FARP1: variants seen among roughly 807,000 people sequenced by gnomAD.
FARP1 encodes FERM, ARH/RhoGEF and pleckstrin domain protein 1, also known as FERM, ARHGEF and pleckstrin domain-containing protein 1.
Under a neutral mutation model 128.8 loss-of-function variants are expected in FARP1, and 52 were observed. The observed-to-expected ratio is 0.40, with a 90% confidence interval of 0.32 to 0.51. The LOEUF is 0.51. Ranked by LOEUF, FARP1 falls within the 20% of genes least tolerant of loss-of-function variation. The pLI is 0.45. For missense variants in FARP1, 1,333 were observed against 1,367.9 expected, an observed-to-expected ratio of 0.97 and a Z score of 0.40; for synonymous variants, 580 against 551.8, an observed-to-expected ratio of 1.05 and a Z score of -0.72.
intron 2 of FARP1, among the ~76,000 whole-genome samples, chr13:98,216,236 G>T (rs1881055523): frequency 6.6e-6 from 1 of 152,200 alleles, no homozygotes; most frequent in Non-Finnish European, 1.5e-5. Context: ...TTTAAGAGCA[G>T]CCACGGCCAG....
intron 2 of FARP1, among the ~76,000 whole-genome samples, chr13:98,278,211 TTGTG>T (rs1490856083): frequency 6.7e-6 from 1 of 148,472 alleles, no homozygotes; most frequent in African/African-American, 2.6e-5. Flanking sequence ...TGTCTTTGTG[TTGTG>T]TGTGAGTGTA....
intron 2 of FARP1, among the ~76,000 whole-genome samples, chr13:98,266,196 G>A (rs1473771093): frequency 6.6e-6 from 1 of 152,144 alleles, no homozygotes; most frequent in African/African-American, 2.4e-5. Flanking sequence ...TGAGCATTCT[G>A]TGTCAATGGA....
rs1566700327 is a variant in FARP1 at position 98,176,165 on chromosome 13, ATC to A, written c.-24+32677_-24+32678del. On this transcript the variant is annotated intron_variant, in intron 1 of 26. Coordinates refer to ENST00000319562, the MANE Select transcript of FARP1 (RefSeq NM_005766.4). The surrounding 1 kb of genome is among the most constrained non-coding windows in gnomAD (Gnocchi z 6.2). ...GTACATACAGACTTGAGTCTTTCTT[ATC>A]TCTTTTTTCCTAAAAGAACAAAAAA... 2.5e-6 allele frequency: 4 copies of A among 1,609,092 alleles called. No individual in the cohort carries two copies. The highest frequency in any genetic ancestry group is 3.4e-6 in the Non-Finnish European group (4 of 1,175,850).
At chr13:98,352,882 T>G (rs558319701) in intron 3 of FARP1, among the ~76,000 whole-genome samples, 18 of 152,260 alleles carry the variant, frequency 1.2e-4, no homozygotes, top group Admixed American at 9.1e-4. Flanking sequence ...GAGGAAGCTA[T>G]AGATTAAACA....
intron 2 of FARP1, among the ~76,000 whole-genome samples, chr13:98,326,255 T>C (rs1887228861): frequency 1.3e-5 from 2 of 152,220 alleles, no homozygotes; most frequent in Non-Finnish European, 2.9e-5. Flanking sequence ...AAACATTCTT[T>C]TTCACAGGCT....
At chr13:98,147,418 T>C (rs1875652023) in intron 1 of FARP1, among the ~76,000 whole-genome samples, 1 of 152,158 alleles carries the variant, frequency 6.6e-6, no homozygotes, top group South Asian at 2.1e-4. Flanking sequence ...AAAACTGTCA[T>C]ATTTGTTCAC....
intron 1 of FARP1, among the ~76,000 whole-genome samples, chr13:98,149,362 T>G (rs1377149414): frequency 6.6e-6 from 1 of 151,988 alleles, no homozygotes; most frequent in Non-Finnish European, 1.5e-5. Context: ...CACTCCCCTT[T>G]GGCCATTCAA....
chr13:98,194,207 C>T (rs1879424335), intron 1 of FARP1, among the ~76,000 whole-genome samples: 1 of 152,160 alleles, frequency 6.6e-6, no homozygotes. Flanking sequence ...ACCTCCGCCT[C>T]CTGGGTTCAA....
Position 98,161,341 on chromosome 13 carries a change from G to A in FARP1, c.-24+17849G>A, listed in dbSNP as rs1203609057. 5.3e-5 allele frequency among the ~76,000 whole-genome samples: 8 copies of A among 151,148 alleles called. No homozygotes were observed. The East Asian group carries it at 1.6e-3, about 30-fold the overall frequency. On this transcript the variant is annotated intron_variant, in intron 1 of 26. Transcript: ENST00000319562. ...AGCGATTCTCCTGCCTCAGCCTCCC[G>A]AGTAGCTGGGATTACAGGCGCGCAC...
intron 2 of FARP1, among the ~76,000 whole-genome samples, chr13:98,289,288 C>G (rs1379893504): frequency 6.6e-6 from 1 of 152,104 alleles, no homozygotes; most frequent in East Asian, 1.9e-4. Context: ...TTGGCTAATG[C>G]AGAGTCTCAA....
At chr13:98,440,268 G>C (rs1362918202) in intron 23 of FARP1, 33 bp downstream of exon 23, 2 of 1,505,954 alleles carry the variant, frequency 1.3e-6, no homozygotes, top group South Asian at 1.1e-5. Context: ...TCCCATGCAG[G>C]GGTCTGGTTC....
chr13:98,415,690 G>A (rs543388133), intron 16 of FARP1, among the ~76,000 whole-genome samples: 2 of 152,384 alleles, frequency 1.3e-5, no homozygotes, highest in South Asian at 2.1e-4. Flanking sequence ...TGTTCAGTGA[G>A]AAGAATGGAT....
chr13:98,311,843 TTGTTTTTTG>T (rs1199653022), intron 2 of FARP1, among the ~76,000 whole-genome samples: 1 of 95,720 alleles, frequency 1.0e-5, no homozygotes, highest in Non-Finnish European at 2.7e-5. Context: ...TTTTTTTTTG[TTGTTTTTTG>T]TTTTTTTTTG....
chr13:98,201,666 C>G (rs547764930), intron 1 of FARP1, among the ~76,000 whole-genome samples: 3 of 152,156 alleles, frequency 2.0e-5, no homozygotes, highest in South Asian at 2.1e-4. Context: ...TTGAAATAAC[C>G]CCTATGAAAA....
intron 1 of FARP1, among the ~76,000 whole-genome samples, chr13:98,211,375 C>T (rs1880695392): frequency 6.6e-6 from 1 of 152,206 alleles, no homozygotes; most frequent in African/African-American, 2.4e-5. Context: ...AGATTGTGCG[C>T]TCCTTATGAG....
intron 4 of FARP1, among the ~76,000 whole-genome samples, chr13:98,367,330 G>A (rs184031317): frequency 2.6e-5 from 4 of 152,172 alleles, no homozygotes; most frequent in Admixed American, 2.6e-4. Context: ...CTAATTTTTA[G>A]TACAGACAGG....
rs747076187 is a variant in FARP1 at position 98,368,212 on chromosome 13, CTG to C, written c.398+21_398+22del. 54 of 1,597,940 alleles carry C rather than the reference CTG, an allele frequency of 3.4e-5. No homozygotes were observed. The highest frequency in any genetic ancestry group is 2.0e-4 in the East Asian group (9 of 44,784). ...ACTCACAAGGTTAGTGGTTTGGAAACTGTGTATTTTTTGCTACAGAGTACAGA... is the reference window on the plus strand; with the variant it reads ...ACTCACAAGGTTAGTGGTTTGGAAACTGTATTTTTTGCTACAGAGTACAGA... On this transcript the variant is annotated intron_variant, in intron 5 of 26. Coordinates refer to ENST00000319562, the MANE Select transcript of FARP1 (RefSeq NM_005766.4).
At chr13:98,390,433 T>C (rs1890263321) in intron 10 of FARP1, among the ~76,000 whole-genome samples, 1 of 152,226 alleles carries the variant, frequency 6.6e-6, no homozygotes, top group Non-Finnish European at 1.5e-5. Flanking sequence ...TTGGATGTTA[T>C]TGGTGAACTT....
chr13:98,338,031 A>T (rs1000861799), intron 2 of FARP1, among the ~76,000 whole-genome samples: 2 of 152,202 alleles, frequency 1.3e-5, no homozygotes, highest in African/African-American at 2.4e-5. Context: ...AGTAGTGTTA[A>T]CAGATTGCAT....
Sources: allele counts gnomAD v4.1 joint callset (sites outside exome capture counted in the v4.1 genomes callset), GRCh38; gene constraint gnomAD v4.1.1; non-coding constraint Gnocchi (gnomAD v3.1); transcripts MANE v1.5; gene names NCBI Gene and HGNC (gene_info 2026-07-23, HGNC 2026-07-21).